SULF2: variants seen among roughly 807,000 people sequenced by gnomAD.
SULF2 encodes sulfatase 2, also known as extracellular sulfatase Sulf-2.
A neutral mutation model predicts 107.7 loss-of-function variants in SULF2; 52 were observed. The ratio of observed to expected loss-of-function variants is 0.48; its 90% CI spans 0.39 to 0.61. The LOEUF (loss-of-function observed/expected upper bound fraction) is 0.61, where lower values mean the gene tolerates loss of function less well. SULF2 is among the 20% of genes least tolerant of loss of function. The pLI is 0.00. For missense variants in SULF2, 993 were observed against 1,177.3 expected (o/e 0.84, Z 2.29); for synonymous variants, 460 against 464.3 (o/e 0.99, Z 0.12).
At position 47,663,591 on chromosome 20, in the gene SULF2, G is replaced by A. The variant is rs1309480620; in HGVS notation, c.2089C>T (p.Leu697=). 6.2e-7 allele frequency: 1 copy of A among 1,606,176 alleles called. No homozygotes were observed. Among genetic ancestry groups the A allele is most frequent in the African/African-American group, 1.3e-5 (1 of 74,990 alleles). ...TTCTTGCGCTTCTGCTCCCGCAACA[G>A]CCACACCTTGTCCTTCTCTTGCAGG... ...KGLQEKDKVW[L]LREQKRKKKL... The change falls in exon 16 of 21, where the codon CTG becomes TTG. Residue 697 remains leucine, a synonymous_variant. Transcript: ENST00000688720.
chr20:47,778,047 G>T (rs1018934679), intron 1 of SULF2, among the ~76,000 whole-genome samples: 1 of 152,116 alleles, frequency 6.6e-6, no homozygotes, highest in Non-Finnish European at 1.5e-5. Context: ...AGGCTGAGGT[G>T]GGAGAATCAC....
At chr20:47,729,925 A>G (rs2089549368) in intron 3 of SULF2, among the ~76,000 whole-genome samples, 1 of 152,210 alleles carries the variant, frequency 6.6e-6, no homozygotes, top group Non-Finnish European at 1.5e-5. Context: ...GGGAAAAAAC[A>G]AGTCTCATTT....
intron 5 of SULF2, among the ~76,000 whole-genome samples, chr20:47,688,974 A>T (rs1397911759): frequency 6.6e-6 from 1 of 151,876 alleles, no homozygotes; most frequent in Non-Finnish European, 1.5e-5. Context: ...ACTGCTAAGC[A>T]GGGGGTGGTC....
At chr20:47,753,526 A>G (rs895238899) in intron 2 of SULF2, among the ~76,000 whole-genome samples, 5 of 152,276 alleles carry the variant, frequency 3.3e-5, no homozygotes, top group Admixed American at 6.5e-5. Flanking sequence ...GCTGAAATTT[A>G]AAAACACGAC....
At chr20:47,776,084 G>T (rs915429897) in intron 1 of SULF2, among the ~76,000 whole-genome samples, 3 of 152,180 alleles carry the variant, frequency 2.0e-5, no homozygotes, top group Non-Finnish European at 4.4e-5. Flanking sequence ...ATGGAACAGA[G>T]AAATATTGCT....
Position 47,661,908 on chromosome 20 carries a change from A to G in SULF2, c.2371-12T>C, listed in dbSNP as rs1381892946. On this transcript the variant is annotated splice_polypyrimidine_tract_variant and intron_variant, in intron 17 of 20. Transcript: ENST00000688720. ...ACTGCATTCATCAGCTGGTTGCAAA[A>G]AAGGTAGTCTGTCAACAAGGTAAGT... 6.5e-7 allele frequency: 1 copy of G among 1,538,926 alleles called. No individual in the cohort carries two copies. The highest frequency in any genetic ancestry group is 1.8e-5 in the Admixed American group (1 of 55,526).
intron 3 of SULF2, among the ~76,000 whole-genome samples, chr20:47,704,761 G>C (rs569131713): frequency 6.6e-6 from 1 of 152,320 alleles, no homozygotes; most frequent in East Asian, 1.9e-4. Context: ...AGGGATGTAA[G>C]GAGATCTTGC....
intron 5 of SULF2, among the ~76,000 whole-genome samples, chr20:47,687,214 T>C (rs1158187002): frequency 6.6e-6 from 1 of 152,040 alleles, no homozygotes; most frequent in African/African-American, 2.4e-5. Context: ...AGAGCGCTTT[T>C]GGAGAAGGAC....
In SULF2 at chr20:47,715,219, C is replaced by A. The variant is rs555330597; in HGVS notation, c.416-12549G>T. ...GTTCTGGGATTACAGGTGTGAGTCA[C>A]CATGTCCAGCCTCAAATGTTAACTT... On this transcript the variant is annotated intron_variant, in intron 3 of 20. Coordinates refer to ENST00000688720, the MANE Select transcript of SULF2 (RefSeq NM_001387048.1). Among the ~76,000 whole-genome samples, 20 of 151,922 alleles carry A rather than the reference C, an allele frequency of 1.3e-4. No individual in the cohort carries two copies. In the South Asian group the frequency reaches 1.9e-3, roughly 14 times the overall value.
At chr20:47,778,184 A>G (rs2090758612) in intron 1 of SULF2, among the ~76,000 whole-genome samples, 1 of 152,314 alleles carries the variant, frequency 6.6e-6, no homozygotes, top group South Asian at 2.1e-4. Context: ...GGGTGGGTCA[A>G]GTCACCCGCT....
chr20:47,775,679 A>G (rs2090711740), intron 1 of SULF2, among the ~76,000 whole-genome samples: 1 of 152,226 alleles, frequency 6.6e-6, no homozygotes, highest in Non-Finnish European at 1.5e-5. Flanking sequence ...ACAGCCAGTA[A>G]GCCTAGCACA....
rs943030146 is a variant in SULF2, at chr20:47,666,611, G to A, written c.1577-123C>T. On this transcript the variant is annotated intron_variant, in intron 11 of 20. Transcript: ENST00000688720. The surrounding 1 kb of genome is among the most constrained non-coding windows in gnomAD (Gnocchi z 5.4). The stretch of plus-strand genomic sequence containing the variant: ...AAGCATGAGGCTCAGCTTTGCCTGC[G>A]ACTCGAGGGGTCGTGGAATCTACCC... 1.1e-5 allele frequency: 8 copies of A among 757,980 alleles called. No individual in the cohort carries two copies. Among genetic ancestry groups the A allele is most frequent in the African/African-American group, 8.7e-5 (5 of 57,352 alleles). 47.0% of individuals were successfully genotyped at this position (757,980 alleles called of 1,614,324 possible).
chr20:47,730,014 G>A (rs2089552163), intron 3 of SULF2, among the ~76,000 whole-genome samples: 2 of 152,242 alleles, frequency 1.3e-5, no homozygotes, highest in African/African-American at 2.4e-5. Flanking sequence ...CAAGTGTAGT[G>A]TAGTGTAGAT....
Position 47,663,117 on chromosome 20 carries a change from CA to C in SULF2, c.2322del (p.Phe774LeufsTer6). 6.2e-7 allele frequency: 1 copy of C among 1,614,170 alleles called. No homozygotes were observed. The highest frequency in any genetic ancestry group is 8.5e-7 in the Non-Finnish European group (1 of 1,180,028). Reference protein sequence around the residue: ...NETHNFLFCEFATGFLEYFDL... With the variant: ...NETHNFLFCEXATGFLEYFDL... ...TCAAAGTACTCTAGGAAGCCAGTTG[CA>C]AATTCACAGAAGAGGAAATTGTGAG... On this transcript the variant is annotated frameshift_variant, in exon 17 of 21. Transcript: ENST00000688720. LOFTEE classifies it high-confidence loss of function.
intron 5 of SULF2, among the ~76,000 whole-genome samples, chr20:47,688,299 A>G (rs376998862): frequency 3.9e-5 from 6 of 152,260 alleles, no homozygotes; most frequent in African/African-American, 1.4e-4. Context: ...GGAAATGATT[A>G]TACTCCAGAG....
chr20:47,747,574 T>C (rs2146855427), intron 2 of SULF2, among the ~76,000 whole-genome samples: 1 of 152,226 alleles, frequency 6.6e-6, no homozygotes, highest in African/African-American at 2.4e-5. Flanking sequence ...TAACTCAAAA[T>C]GCTACAATCA....
chr20:47,770,058 T>C, intron 1 of SULF2, among the ~76,000 whole-genome samples: 1 of 111,596 alleles, frequency 9.0e-6, no homozygotes, highest in Admixed American at 9.1e-5. Context: ...GTGTAGTTTT[T>C]TTTTTTTTTT....
Position 47,661,792 on chromosome 20 carries a change from C to A in SULF2, c.2475G>T (p.Arg825=). 1 of 1,559,104 alleles carries A rather than the reference C, an allele frequency of 6.4e-7. No individual in the cohort carries two copies. Among genetic ancestry groups the A allele is most frequent in the Non-Finnish European group, 8.8e-7 (1 of 1,142,054 alleles). ...ACTCACCCAGGTCCATGTTTCGAGTCCGGGGGTTACACTGCTTGTAACCCT... is the reference window on the plus strand; with the variant it reads ...ACTCACCCAGGTCCATGTTTCGAGTACGGGGGTTACACTGCTTGTAACCCT... ...SCKGYKQCNP[R]TRNMDLGLKD... The change falls in exon 18 of 21, where the codon CGG becomes CGT. Residue 825 remains arginine (R), a synonymous_variant. Transcript: ENST00000688720.
At chr20:47,687,039 G>A (rs1193349974) in intron 5 of SULF2, among the ~76,000 whole-genome samples, 3 of 152,148 alleles carry the variant, frequency 2.0e-5, no homozygotes, top group Non-Finnish European at 4.4e-5. Flanking sequence ...TCAGAGCAGC[G>A]AGCGTGTGGG....
Sources: gnomAD v4.1 joint callset for allele counts (sites outside exome capture counted in the v4.1 genomes callset) on GRCh38, gnomAD v4.1.1 for gene constraint, Gnocchi (gnomAD v3.1) non-coding constraint, MANE v1.5 for transcripts, NCBI Gene and HGNC (gene_info 2026-07-23, HGNC 2026-07-21) for gene names.